The following CNTN1 variants were observed in gnomAD, a reference collection of about 807,000 sequenced individuals.
CNTN1 encodes the protein contactin-1.
Under a neutral mutation model 126.4 loss-of-function variants are expected in CNTN1, and 38 were observed. The ratio of observed to expected loss-of-function variants is 0.30; its 90% CI spans 0.23 to 0.39. CNTN1 has a LOEUF of 0.39. Among genes scored for constraint, CNTN1 ranks in the 10% least tolerant of loss-of-function variants. The pLI is 1.00. For synonymous variants in CNTN1, 413 were observed against 422.6 expected, an observed-to-expected ratio of 0.98 and a Z score of 0.28; for missense variants, 1,009 against 1,248.4, an observed-to-expected ratio of 0.81 and a Z score of 2.89.
intron 1 of CNTN1, among the ~76,000 whole-genome samples, chr12:40,769,036 C>T (rs1939232081): frequency 1.3e-5 from 2 of 152,212 alleles, no homozygotes; most frequent in South Asian, 4.1e-4. Context: ...AACCAATCAT[C>T]CCAAAGCAGG....
chr12:40,823,349 C>T (rs534631813), intron 1 of CNTN1, among the ~76,000 whole-genome samples: 10 of 152,138 alleles, frequency 6.6e-5, no homozygotes, highest in Admixed American at 2.0e-4. Context: ...AGTCATAAAT[C>T]CTGGATGTGA....
At position 40,993,717 on chromosome 12, in the gene CNTN1, G is replaced by A. The variant is rs116357611; in HGVS notation, c.2113+448G>A. Among the ~76,000 whole-genome samples, 1,189 of 152,116 alleles carry A rather than the reference G, an allele frequency of 7.8e-3. 11 individuals carry two copies. Among genetic ancestry groups the A allele is most frequent in the African/African-American group, 0.027 (1,132 of 41,512 alleles). ...TCATTTATAACTGAATGGCCAAGTC[G>A]GTGGATATTTTATGGTAAATACCAA... On this transcript the variant is annotated intron_variant, in intron 17 of 23. Coordinates refer to ENST00000551295, the MANE Select transcript of CNTN1 (RefSeq NM_001843.4).
chr12:40,782,454 T>C (rs921333881), intron 1 of CNTN1, among the ~76,000 whole-genome samples: 1 of 151,958 alleles, frequency 6.6e-6, no homozygotes, highest in Admixed American at 6.6e-5. Flanking sequence ...TAGAACAAAT[T>C]GAAAATTTTT....
At chr12:41,040,117 G>C (rs573679674) in intron 23 of CNTN1, among the ~76,000 whole-genome samples, 60 of 152,256 alleles carry the variant, frequency 3.9e-4, no homozygotes, top group African/African-American at 1.4e-3. Context: ...AGAAAGAAGA[G>C]GGTCTGTCTC....
At chr12:40,798,731 GC>G (rs1015647206) in intron 1 of CNTN1, among the ~76,000 whole-genome samples, 4 of 151,892 alleles carry the variant, frequency 2.6e-5, no homozygotes, top group African/African-American at 9.7e-5. Context: ...AGACACTGGG[GC>G]CCACCAGAGG....
chr12:41,042,356 T>G (rs1312905496), intron 23 of CNTN1, among the ~76,000 whole-genome samples: 1 of 152,106 alleles, frequency 6.6e-6, no homozygotes, highest in Non-Finnish European at 1.5e-5. Flanking sequence ...AATTTTGGAA[T>G]AGGTGTGGTG....
At chr12:40,899,609 G>A (rs995038267) in intron 1 of CNTN1, among the ~76,000 whole-genome samples, 1 of 152,136 alleles carries the variant, frequency 6.6e-6, no homozygotes, top group Admixed American at 6.5e-5. Context: ...ACATTTGCAT[G>A]CACATAGATA....
intron 1 of CNTN1, among the ~76,000 whole-genome samples, chr12:40,767,581 T>G (rs1939161218): frequency 6.6e-6 from 1 of 151,890 alleles, no homozygotes; most frequent in African/African-American, 2.4e-5. Flanking sequence ...GTGCTGGGAT[T>G]ACAGGCATGA....
At chr12:40,769,283 T>C (rs1939243198) in intron 1 of CNTN1, among the ~76,000 whole-genome samples, 1 of 152,096 alleles carries the variant, frequency 6.6e-6, no homozygotes, top group East Asian at 1.9e-4. Flanking sequence ...CTGAAACACA[T>C]GAGCAATTGA....
At chr12:40,952,670 T>C (rs1946732419) in intron 14 of CNTN1, among the ~76,000 whole-genome samples, 1 of 152,116 alleles carries the variant, frequency 6.6e-6, no homozygotes, top group Non-Finnish European at 1.5e-5. Context: ...AGTTCGCATG[T>C]ATATTTATAA....
intron 23 of CNTN1, among the ~76,000 whole-genome samples, chr12:41,063,662 T>C (rs1264217842): frequency 2.0e-5 from 3 of 152,196 alleles, no homozygotes; most frequent in African/African-American, 7.2e-5. Context: ...GGTTGAGTGA[T>C]GGAAAGCTTC....
chr12:41,001,758 T>C (rs1427844423), intron 17 of CNTN1, among the ~76,000 whole-genome samples: 3 of 152,230 alleles, frequency 2.0e-5, no homozygotes, highest in Non-Finnish European at 4.4e-5. Context: ...TAGTTTGAGA[T>C]TTTACATTTA....
At chr12:40,720,655 G>A (rs1033670787) in intron 1 of CNTN1, among the ~76,000 whole-genome samples, 4 of 152,082 alleles carry the variant, frequency 2.6e-5, no homozygotes, top group African/African-American at 7.2e-5. Context: ...CAGGCCAGGC[G>A]CGGTGGCTCA....
At chr12:40,969,800 A>C (rs1947438152) in intron 15 of CNTN1, among the ~76,000 whole-genome samples, 1 of 152,208 alleles carries the variant, frequency 6.6e-6, no homozygotes, top group Non-Finnish European at 1.5e-5. Context: ...GCATGCTACC[A>C]GGATAACTTT....
intron 3 of CNTN1, among the ~76,000 whole-genome samples, chr12:40,915,653 C>A (rs1004788582): frequency 2.2e-5 from 3 of 136,108 alleles, no homozygotes; most frequent in Non-Finnish European, 4.6e-5. Flanking sequence ...AACTCTTAAC[C>A]CTGAAGACCT....
Position 40,996,266 on chromosome 12 carries a change from G to A in CNTN1, c.2113+2997G>A, listed in dbSNP as rs11179363. ...ACTGCCTCAGCCATCCTAGTAGCTC[G>A]GATTACAGGGGCTTGTCACCACGCC... On this transcript the variant is annotated intron_variant, in intron 17 of 23. Coordinates refer to ENST00000551295, the MANE Select transcript of CNTN1 (RefSeq NM_001843.4). Among the ~76,000 whole-genome samples, 947 of 151,892 alleles carry A rather than the reference G, an allele frequency of 6.2e-3. 3 individuals carry two copies. The highest frequency in any genetic ancestry group is 0.022 in the African/African-American group (901 of 41,386).
intron 21 of CNTN1, 121 bp downstream of exon 21, chr12:41,025,457 A>G: frequency 1.1e-6 from 1 of 912,294 alleles, no homozygotes; most frequent in Non-Finnish European, 1.8e-6. Flanking sequence ...AATATCCTTT[A>G]CAGCCACACA....
At chr12:40,799,382 GATAA>G (rs2136480755) in intron 1 of CNTN1, among the ~76,000 whole-genome samples, 1 of 151,820 alleles carries the variant, frequency 6.6e-6, no homozygotes, top group South Asian at 2.1e-4. Flanking sequence ...GTAAAATTAT[GATAA>G]ATACTGAAAT....
chr12:40,733,791 GA>G (rs1463188856), intron 1 of CNTN1, among the ~76,000 whole-genome samples: 1 of 152,028 alleles, frequency 6.6e-6, no homozygotes, highest in Non-Finnish European at 1.5e-5. Context: ...GTTTGTCTCT[GA>G]AAGAGTACAG....
Sources: allele counts gnomAD v4.1 joint callset (sites outside exome capture counted in the v4.1 genomes callset), GRCh38; gene constraint gnomAD v4.1.1; transcripts MANE v1.5; gene names NCBI Gene and HGNC (gene_info 2026-07-23, HGNC 2026-07-21).